GCA: variants seen among roughly 807,000 people sequenced by gnomAD.
GCA encodes the protein grancalcin, EF-hand calcium-binding protein.
GCA carries 30 observed loss-of-function variants against 32.6 expected under a neutral mutation model. That is an observed-to-expected ratio of 0.92 (90% CI 0.69 to 1.25). The LOEUF (loss-of-function observed/expected upper bound fraction) is 1.25, where lower values mean the gene tolerates loss of function less well. GCA is among the 50% of genes most tolerant of loss of function. GCA has a pLI of 0.00. For synonymous variants in GCA, 102 were observed against 84.6 expected, an observed-to-expected ratio of 1.21 and a Z score of -1.13; for missense variants, 291 against 266.8, an observed-to-expected ratio of 1.09 and a Z score of -0.63.
chr2:162,334,489 A>G (rs1684198330), intron 1 of GCA, among the ~76,000 whole-genome samples: 1 of 152,174 alleles, frequency 6.6e-6, no homozygotes, highest in Non-Finnish European at 1.5e-5. Flanking sequence ...GAATCAGGGA[A>G]AAGGGTATAA....
chr2:162,361,677 GT>G lies in GCA; in HGVS notation c.*1438del. On this transcript the variant is annotated 3_prime_UTR_variant, in exon 8 of 8. Transcript: ENST00000437150. Reference sequence around the variant, plus strand: ...ATTTGCTGTCAAATTCACTTGGTCAGTTTTATAAAAATGTGTGAATAGGTAA... The same window carrying G: ...ATTTGCTGTCAAATTCACTTGGTCAGTTTATAAAAATGTGTGAATAGGTAA... The G allele has an allele frequency of 1.0e-6, 1 of 984,170 alleles. No individual in the cohort carries two copies. The highest frequency in any genetic ancestry group is 1.2e-6 in the Non-Finnish European group (1 of 829,010). 61.0% of individuals were successfully genotyped at this position (984,170 alleles called of 1,614,324 possible).
upstream of GCA, among the ~76,000 whole-genome samples, chr2:162,342,498 T>C (rs746223113): frequency 1.5e-4 from 23 of 152,224 alleles, no homozygotes; most frequent in Non-Finnish European, 2.5e-4. Context: ...CAGATGGGTG[T>C]TGTACATGCA....
chr2:162,371,246 G>T, intron 4 of GCA: 1 of 834,514 alleles, frequency 1.2e-6, no homozygotes, highest in Non-Finnish European at 1.7e-6. Context: ...TTTAGTTTTT[G>T]GATATGGCTT....
At chr2:162,334,872 C>A (rs1319313803) in intron 1 of GCA, among the ~76,000 whole-genome samples, 1 of 152,124 alleles carries the variant, frequency 6.6e-6, no homozygotes, top group Non-Finnish European at 1.5e-5. Flanking sequence ...TTTTCCTGAG[C>A]TTTCTATATG....
In GCA at chr2:162,344,165, T is replaced by G; in HGVS notation, c.-84T>G. 6.9e-7 allele frequency: 1 copy of G among 1,456,098 alleles called. No individual in the cohort carries two copies. The allele number at this position is 1,456,098 out of a possible 1,614,324, so 90.2% of individuals were successfully genotyped here. On this transcript the variant is annotated 5_prime_UTR_variant, in exon 1 of 8. Coordinates refer to ENST00000437150, the MANE Select transcript of GCA (RefSeq NM_012198.5). ...TTTCAGCCTCACCTGCAGCTGCGCC[T>G]CCTTGCACCTGCGCCTGTGCTTTTT...
chr2:162,341,267 T>TTATATATATATATATATATATATATATA, upstream of GCA, among the ~76,000 whole-genome samples: 1 of 116,248 alleles, frequency 8.6e-6, no homozygotes, highest in East Asian at 2.4e-4. Context: ...CTTATTTATT[T>TTATATATATATATATATATATATATATA]TATATATATA....
downstream of GCA, among the ~76,000 whole-genome samples, chr2:162,374,318 T>C (rs1686084023): frequency 6.6e-6 from 1 of 152,200 alleles, no homozygotes; most frequent in Non-Finnish European, 1.5e-5. Context: ...AAAATACCAG[T>C]TTATTTTTTC....
downstream of GCA, among the ~76,000 whole-genome samples, chr2:162,363,925 A>T (rs574878911): frequency 5.3e-5 from 8 of 151,454 alleles, no homozygotes; most frequent in Non-Finnish European, 1.2e-4. Context: ...CATCACTATG[A>T]TGTGCCATAC....
chr2:162,363,129 T>TC (rs1685645407), downstream of GCA, among the ~76,000 whole-genome samples: 1 of 151,518 alleles, frequency 6.6e-6, no homozygotes. Context: ...GGAAATGTGC[T>TC]CTTTGTCTTT....
upstream of GCA, among the ~76,000 whole-genome samples, chr2:162,342,093 G>A (rs1217157539): frequency 6.6e-6 from 1 of 152,088 alleles, no homozygotes; most frequent in Non-Finnish European, 1.5e-5. Context: ...CTTGACTCAT[G>A]GAGGCAAATT....
intron 2 of GCA, among the ~76,000 whole-genome samples, chr2:162,349,116 C>G (rs1684859896): frequency 6.6e-6 from 1 of 151,520 alleles, no homozygotes; most frequent in Non-Finnish European, 1.5e-5. Context: ...TAGTGTGGTC[C>G]TAATGTAAAA....
chr2:162,373,760 G>A, downstream of GCA: 2 of 734,120 alleles, frequency 2.7e-6, no homozygotes, highest in African/African-American at 1.8e-5. Context: ...ACAGAATTAT[G>A]GCCTTGCTTT....
rs1464584433 is a variant in GCA, at chr2:162,347,558, C to T, written c.28-20C>T. The T allele has an allele frequency of 2.0e-6, 3 of 1,516,654 alleles. No individual in the cohort carries two copies. Among genetic ancestry groups the T allele is most frequent in the Non-Finnish European group, 2.7e-6 (3 of 1,111,800 alleles). 93.9% of individuals were successfully genotyped at this position (1,516,654 alleles called of 1,614,324 possible). On this transcript the variant is annotated intron_variant, in intron 1 of 7. Transcript: ENST00000437150. ...AGGTAGTATTTATATTACTAACCTT[C>T]TCCCCTTTCACTATTATAGTTTGGA...
downstream of GCA, among the ~76,000 whole-genome samples, chr2:162,372,616 C>T (rs1056060323): frequency 5.3e-5 from 8 of 151,998 alleles, no homozygotes; most frequent in Non-Finnish European, 7.4e-5. Context: ...AGAAGTATTG[C>T]GTTATTTTCC....
intron 5 of GCA, among the ~76,000 whole-genome samples, chr2:162,358,745 C>T (rs1685410002): frequency 1.3e-5 from 2 of 151,178 alleles, no homozygotes. Context: ...AGCATTAAAA[C>T]CCATGAAATT....
At chr2:162,319,432 T>A (rs887351191) in intron 1 of GCA, 1 of 225,522 alleles carries the variant, frequency 4.4e-6, no homozygotes, top group Non-Finnish European at 9.3e-6. Context: ...CAACTTTCCT[T>A]TAATAAAACA....
downstream of GCA, among the ~76,000 whole-genome samples, chr2:162,372,731 C>G (rs1686001327): frequency 6.6e-6 from 1 of 152,066 alleles, no homozygotes; most frequent in Non-Finnish European, 1.5e-5. Context: ...TTCTACAAAT[C>G]TTTATTTAAA....
chr2:162,362,251 A>C lies in GCA; in HGVS notation c.*2008A>C. Reference sequence around the variant, plus strand: ...AGTTTTTTCCAAACTTTTTGACCACAGAACCCCTTTCTCTAGCAAAACCTA... The same window carrying C: ...AGTTTTTTCCAAACTTTTTGACCACCGAACCCCTTTCTCTAGCAAAACCTA... On this transcript the variant is annotated 3_prime_UTR_variant, in exon 8 of 8. Coordinates refer to ENST00000437150, the MANE Select transcript of GCA (RefSeq NM_012198.5). The C allele has an allele frequency of 2.0e-6, 2 of 984,584 alleles. No individual in the cohort carries two copies. The highest frequency in any genetic ancestry group is 9.4e-5 in the South Asian group (2 of 21,284). The allele number at this position is 984,584 out of a possible 1,614,324, so 61.0% of individuals were successfully genotyped here. A position where few individuals can be genotyped will look rare whatever the true frequency, so the allele number is the denominator to read the frequency against.
intron 3 of GCA, 63 bp downstream of exon 3, chr2:162,352,470 G>A: frequency 1.0e-6 from 1 of 999,282 alleles, no homozygotes; most frequent in Non-Finnish European, 1.6e-6. Flanking sequence ...TACTTTTTTT[G>A]TCCCTGTAAT....
Sources: gnomAD v4.1 joint callset for allele counts (sites outside exome capture counted in the v4.1 genomes callset) on GRCh38, gnomAD v4.1.1 for gene constraint, MANE v1.5 for transcripts, NCBI Gene and HGNC (gene_info 2026-07-23, HGNC 2026-07-21) for gene names.